AGPAT4: variants seen among roughly 807,000 people sequenced by gnomAD.
The protein encoded by AGPAT4 is 1-acyl-sn-glycerol-3-phosphate acyltransferase delta.
In AGPAT4, 15 loss-of-function variants were observed where a neutral mutation model predicts 48.0. The observed-to-expected ratio is 0.31, with a 90% confidence interval of 0.21 to 0.48. The LOEUF is 0.48. Among genes scored for constraint, AGPAT4 ranks in the 20% least tolerant of loss-of-function variants. AGPAT4 has a pLI of 0.99. For missense variants in AGPAT4, 314 were observed against 482.5 expected, an observed-to-expected ratio of 0.65 and a Z score of 3.27; for synonymous variants, 178 against 198.7, an observed-to-expected ratio of 0.90 and a Z score of 0.88.
Position 161,131,307 on chromosome 6 carries a change from GGAT to G in AGPAT4, c.*5230_*5232del, listed in dbSNP as rs1179358797. The G allele has an allele frequency of 6.4e-6, 1 of 157,430 alleles. No homozygotes were observed. The highest frequency in any genetic ancestry group is 1.4e-5 in the Non-Finnish European group (1 of 71,008). 9.8% of individuals were successfully genotyped at this position (157,430 alleles called of 1,614,324 possible). A position where few individuals can be genotyped will look rare whatever the true frequency, so the allele number is the denominator to read the frequency against. ...CATTCACAACCTTCATATTAAACTA[GGAT>G]GAGGCTGCAGGAGCTGAGGAAGGAA... On this transcript the variant is annotated 3_prime_UTR_variant, in exon 9 of 9. Transcript: ENST00000320285.
Position 161,134,100 on chromosome 6 carries a change from C to T in AGPAT4, c.*2440G>A, listed in dbSNP as rs1419087132. 3 of 152,232 alleles carry T rather than the reference C, an allele frequency of 2.0e-5. No individual in the cohort carries two copies. Among genetic ancestry groups the T allele is most frequent in the Admixed American group, 6.5e-5 (1 of 15,280 alleles). The allele number at this position is 152,232 out of a possible 1,614,324, so 9.4% of individuals were successfully genotyped here. ...CAGGCTGCATAACAAAATTGTTCTTCGTGGACAGGTCAAATGACTGATGAG... is the reference window on the plus strand; with the variant it reads ...CAGGCTGCATAACAAAATTGTTCTTTGTGGACAGGTCAAATGACTGATGAG... On this transcript the variant is annotated 3_prime_UTR_variant, in exon 9 of 9. Coordinates refer to ENST00000320285, the MANE Select transcript of AGPAT4 (RefSeq NM_020133.3).
In AGPAT4 at chr6:161,200,904, C is replaced by CTTTGCAT. The variant is rs1424639860; in HGVS notation, c.178+31125_178+31131dup. Among the ~76,000 whole-genome samples, 1 of 151,400 alleles carries CTTTGCAT rather than the reference C, an allele frequency of 6.6e-6. No individual in the cohort carries two copies. Among genetic ancestry groups the CTTTGCAT allele is most frequent in the Non-Finnish European group, 1.5e-5 (1 of 68,036 alleles). On this transcript the variant is annotated intron_variant, in intron 2 of 8. Coordinates refer to ENST00000320285, the MANE Select transcript of AGPAT4 (RefSeq NM_020133.3). This position sits in a 1 kb window ranked among gnomAD's most constrained non-coding sequence, Gnocchi z 5.5. Reference sequence around the variant, plus strand: ...TTTAGAATGGCAGATCCCAATCACACTTTGCATTTTGGCTGGAGCTAAAAC... The same window carrying CTTTGCAT: ...TTTAGAATGGCAGATCCCAATCACACTTTGCATTTTGCATTTTGGCTGGAGCTAAAAC...
intron 2 of AGPAT4, among the ~76,000 whole-genome samples, chr6:161,176,487 T>C (rs537109490): frequency 5.3e-5 from 8 of 152,242 alleles, no homozygotes; most frequent in African/African-American, 1.9e-4. Context: ...GTTTTCCACT[T>C]GCTTGGTAGA....
chr6:161,170,095 G>A (rs532772279), intron 2 of AGPAT4, among the ~76,000 whole-genome samples: 2 of 152,152 alleles, frequency 1.3e-5, no homozygotes, highest in East Asian at 1.9e-4. Context: ...AAGAACTGAT[G>A]CAAGTTTTAG....
rs1026193461 is a variant in AGPAT4 at position 161,272,055 on chromosome 6, C to T, written c.-90+1883G>A. Among the ~76,000 whole-genome samples, 2 of 152,144 alleles carry T rather than the reference C, an allele frequency of 1.3e-5. No individual in the cohort carries two copies. The highest frequency in any genetic ancestry group is 1.3e-4 in the Admixed American group (2 of 15,284). ...TGTGTGTTATGCCCTTTAAATAGTT[C>T]TCGTCTTTAACTCCATGTGGCTCTG... On this transcript the variant is annotated intron_variant, in intron 1 of 8. Transcript: ENST00000320285. The surrounding 1 kb of genome is among the most constrained non-coding windows in gnomAD (Gnocchi z 4.2).
chr6:161,130,734 A>T lies in AGPAT4; in HGVS notation c.*5806T>A. On this transcript the variant is annotated 3_prime_UTR_variant, in exon 9 of 9. Transcript: ENST00000320285. ...GTGTTTGCCTCAGATGCGAGTAAGG[A>T]AGCTCCAGTTGTAGCCTTGGCACAG... 4.7e-6 allele frequency: 2 copies of T among 425,148 alleles called. No homozygotes were observed. The highest frequency in any genetic ancestry group is 3.6e-5 in the South Asian group (2 of 55,796). 26.3% of individuals were successfully genotyped at this position (425,148 alleles called of 1,614,324 possible). A position where few individuals can be genotyped will look rare whatever the true frequency, so the allele number is the denominator to read the frequency against.
At position 161,146,634 on chromosome 6, in the gene AGPAT4, T is replaced by G. The variant is rs761389671; in HGVS notation, c.768-35A>C. 1.9e-6 allele frequency: 3 copies of G among 1,600,332 alleles called. No homozygotes were observed. The highest frequency in any genetic ancestry group is 1.7e-6 in the Non-Finnish European group (2 of 1,168,062). On this transcript the variant is annotated intron_variant, in intron 6 of 8. Coordinates refer to ENST00000320285, the MANE Select transcript of AGPAT4 (RefSeq NM_020133.3). The surrounding 1 kb of genome is among the most constrained non-coding windows in gnomAD (Gnocchi z 7.1). ...CAGAGAGCAGCTAGCAGAGAGGAGG[T>G]GATGCCCCCCTACAACATACAGTTT...
In AGPAT4 at chr6:161,138,716, C is replaced by T. The variant is rs1253943973; in HGVS notation, c.1042+706G>A. Among the ~76,000 whole-genome samples, 2 of 152,186 alleles carry T rather than the reference C, an allele frequency of 1.3e-5. No homozygotes were observed. The highest frequency in any genetic ancestry group is 4.8e-5 in the African/African-American group (2 of 41,436). On this transcript the variant is annotated intron_variant, in intron 8 of 8. Transcript: ENST00000320285. The surrounding 1 kb of genome is among the most constrained non-coding windows in gnomAD (Gnocchi z 4.8). ...GACAATGTGCCGTCTCTCCCGGGCT[C>T]TCCAAAGCCTCAGAGGACGCCAGGC...
rs1779180810 is a variant in AGPAT4 at position 161,139,501 on chromosome 6, A to G, written c.963T>C (p.Pro321=). 1.2e-6 allele frequency: 2 copies of G among 1,614,036 alleles called. No individual in the cohort carries two copies. The highest frequency in any genetic ancestry group is 2.7e-5 in the African/African-American group (2 of 75,028). ...WLFWASLVLY[P]FFQFLVSMIR... is the part of the protein sequence containing the mutation. ...TCATGCTGACCAGGAACTGGAAGAA[A>G]GGGTAGAGCACCAGCGAGGCCCAAA... The change falls in exon 8 of 9, where the codon CCT becomes CCC. Residue 321 remains proline (P), a synonymous_variant. Coordinates refer to ENST00000320285, the MANE Select transcript of AGPAT4 (RefSeq NM_020133.3). This position sits in a 1 kb window ranked among gnomAD's most constrained non-coding sequence, Gnocchi z 9.1.
At chr6:161,273,545 A>G (rs933759942) in intron 1 of AGPAT4, among the ~76,000 whole-genome samples, 1 of 152,292 alleles carries the variant, frequency 6.6e-6, no homozygotes, top group Non-Finnish European at 1.5e-5. Flanking sequence ...AAAGAGAGCA[A>G]TATGTAATAG....
chr6:161,176,858 A>G (rs1174794247), intron 2 of AGPAT4, among the ~76,000 whole-genome samples: 2 of 152,086 alleles, frequency 1.3e-5, no homozygotes, highest in East Asian at 1.9e-4. Flanking sequence ...ATCTCTCAGC[A>G]TTTGCTTGTC....
At position 161,232,373 on chromosome 6, in the gene AGPAT4, T is replaced by C; in HGVS notation, c.-89-71A>G. ...TTTTAGAGTCAGAAAAAAAGTGCTC[T>C]GAAAAGAAAAATATACACTTGAGGT... On this transcript the variant is annotated intron_variant, in intron 1 of 8. Coordinates refer to ENST00000320285, the MANE Select transcript of AGPAT4 (RefSeq NM_020133.3). This position sits in a 1 kb window ranked among gnomAD's most constrained non-coding sequence, Gnocchi z 6.8. 3.0e-6 allele frequency: 2 copies of C among 677,018 alleles called. No individual in the cohort carries two copies. The highest frequency in any genetic ancestry group is 4.3e-5 in the South Asian group (2 of 46,574). 41.9% of individuals were successfully genotyped at this position (677,018 alleles called of 1,614,324 possible). A position where few individuals can be genotyped will look rare whatever the true frequency, so the allele number is the denominator to read the frequency against.
chr6:161,267,116 T>G lies in AGPAT4; in HGVS notation c.-90+6822A>C, dbSNP rs1283535759. Among the ~76,000 whole-genome samples, 1 of 152,208 alleles carries G rather than the reference T, an allele frequency of 6.6e-6. No individual in the cohort carries two copies. The highest frequency in any genetic ancestry group is 1.5e-5 in the Non-Finnish European group (1 of 68,036). On this transcript the variant is annotated intron_variant, in intron 1 of 8. Coordinates refer to ENST00000320285, the MANE Select transcript of AGPAT4 (RefSeq NM_020133.3). The surrounding 1 kb of genome is among the most constrained non-coding windows in gnomAD (Gnocchi z 5.2). Reference sequence around the variant, plus strand: ...CCTTGAGAGCAGCTGCTCAGTCAAGTTCAATCCTGGGTTACACATTGGTTT... The same window carrying G: ...CCTTGAGAGCAGCTGCTCAGTCAAGGTCAATCCTGGGTTACACATTGGTTT...
chr6:161,199,771 T>C (rs193116166), intron 2 of AGPAT4, among the ~76,000 whole-genome samples: 94 of 152,288 alleles, frequency 6.2e-4, no homozygotes, highest in African/African-American at 2.2e-3. Context: ...AAGATGTGTC[T>C]GCTTCCCCTA....
chr6:161,235,276 A>G lies in AGPAT4; in HGVS notation c.-89-2974T>C, dbSNP rs1263895124. Among the ~76,000 whole-genome samples the G allele has an allele frequency of 6.6e-6, 1 of 152,156 alleles. No individual in the cohort carries two copies. The highest frequency in any genetic ancestry group is 1.5e-5 in the Non-Finnish European group (1 of 68,020). On this transcript the variant is annotated intron_variant, in intron 1 of 8. Coordinates refer to ENST00000320285, the MANE Select transcript of AGPAT4 (RefSeq NM_020133.3). The surrounding 1 kb of genome is among the most constrained non-coding windows in gnomAD (Gnocchi z 6.2). ...AATCCCAGGGAGGCTATTGCTTTTTAATTTCGTGAAACTTAGGCGGATTCT... is the reference window on the plus strand; with the variant it reads ...AATCCCAGGGAGGCTATTGCTTTTTGATTTCGTGAAACTTAGGCGGATTCT...
intron 2 of AGPAT4, among the ~76,000 whole-genome samples, chr6:161,213,621 A>G (rs771145101): frequency 6.6e-6 from 1 of 152,236 alleles, no homozygotes; most frequent in Non-Finnish European, 1.5e-5. Context: ...ACTTCAAAAG[A>G]AAATGACAAC....
At position 161,155,191 on chromosome 6, in the gene AGPAT4, CACT is replaced by C. The variant is rs1387115191; in HGVS notation, c.349-884_349-882del. Among the ~76,000 whole-genome samples, 3 of 152,202 alleles carry C rather than the reference CACT, an allele frequency of 2.0e-5. No homozygotes were observed. The highest frequency in any genetic ancestry group is 4.4e-5 in the Non-Finnish European group (3 of 68,032). ...GTGTGGCCCTCCCCAGCCAGGCGTCCACTACATCAGTCCCCCTACACTGAGGAA... is the reference window on the plus strand; with the variant it reads ...GTGTGGCCCTCCCCAGCCAGGCGTCCACATCAGTCCCCCTACACTGAGGAA... On this transcript the variant is annotated intron_variant, in intron 3 of 8. Transcript: ENST00000320285. The surrounding 1 kb of genome is among the most constrained non-coding windows in gnomAD (Gnocchi z 5.8).
chr6:161,214,297 CTG>C lies in AGPAT4; in HGVS notation c.178+17737_178+17738del, dbSNP rs1181425879. On this transcript the variant is annotated intron_variant, in intron 2 of 8. Coordinates refer to ENST00000320285, the MANE Select transcript of AGPAT4 (RefSeq NM_020133.3). The surrounding 1 kb of genome is among the most constrained non-coding windows in gnomAD (Gnocchi z 5.4). ...CACATGTTGTCAGGACCTCCTGAGG[CTG>C]TGTCACAGGCACACATCCTCAACCT... Among the ~76,000 whole-genome samples, 9 of 152,178 alleles carry C rather than the reference CTG, an allele frequency of 5.9e-5. No homozygotes were observed. Among genetic ancestry groups the C allele is most frequent in the Non-Finnish European group, 5.9e-5 (4 of 68,042 alleles).
rs1039979553 is a variant in AGPAT4, at chr6:161,249,993, A to G, written c.-89-17691T>C. On this transcript the variant is annotated intron_variant, in intron 1 of 8. Coordinates refer to ENST00000320285, the MANE Select transcript of AGPAT4 (RefSeq NM_020133.3). This position sits in a 1 kb window ranked among gnomAD's most constrained non-coding sequence, Gnocchi z 6.2. ...GATAAAGGAAATGTGGTACATATATACTGTGGAATATTATGCAACTATAAA... is the reference window on the plus strand; with the variant it reads ...GATAAAGGAAATGTGGTACATATATGCTGTGGAATATTATGCAACTATAAA... 2.6e-5 allele frequency among the ~76,000 whole-genome samples: 4 copies of G among 152,234 alleles called. No homozygotes were observed. Among genetic ancestry groups the G allele is most frequent in the Non-Finnish European group, 5.9e-5 (4 of 68,034 alleles).
Sources: allele counts gnomAD v4.1 joint callset (sites outside exome capture counted in the v4.1 genomes callset), GRCh38; gene constraint gnomAD v4.1.1; non-coding constraint Gnocchi (gnomAD v3.1); transcripts MANE v1.5; gene names NCBI Gene and HGNC (gene_info 2026-07-23, HGNC 2026-07-21).